Variants in SLC6A14 observed in about 807,000 individuals in gnomAD.
SLC6A14 encodes the protein sodium- and chloride-dependent neutral and basic amino acid transporter B(0+).
SLC6A14 carries 21 observed loss-of-function variants against 51.4 expected under a neutral mutation model. That is an observed-to-expected ratio of 0.41 (90% confidence interval 0.29 to 0.59). The LOEUF is 0.59. SLC6A14 is among the 20% of genes least tolerant of loss of function. SLC6A14 has a pLI of 0.31. For missense variants in SLC6A14, 371 were observed against 472.8 expected, an observed-to-expected ratio of 0.78 and a Z score of 2.00; for synonymous variants, 177 against 160.7, an observed-to-expected ratio of 1.10 and a Z score of -0.77.
chrX:116,452,190 T>G (rs782162566), intron 8 of SLC6A14, among the ~76,000 whole-genome samples: 1 of 111,570 alleles, frequency 9.0e-6, no homozygotes, highest in African/African-American at 3.2e-5. Flanking sequence ...TCATTAAAAT[T>G]TTGTTTATGT....
intron 2 of SLC6A14, among the ~76,000 whole-genome samples, chrX:116,438,597 AG>A (rs1488252416): frequency 1.8e-5 from 2 of 112,076 alleles, no homozygotes; most frequent in Non-Finnish European, 3.8e-5. Flanking sequence ...GTAGATCATT[AG>A]GGTAGACTCA....
chrX:116,445,457 G>GGAGAGAGAGAGAGAGA (rs4068397), intron 6 of SLC6A14, among the ~76,000 whole-genome samples: 10 of 67,025 alleles, frequency 1.5e-4, no homozygotes, highest in African/African-American at 5.2e-4. Flanking sequence ...TCCCCTAGTC[G>GGAGAGAGAGAGAGAGA]GAGAGAGAGA....
intron 6 of SLC6A14, among the ~76,000 whole-genome samples, chrX:116,446,244 G>T (rs781802359): frequency 1.8e-5 from 2 of 110,473 alleles, no homozygotes; most frequent in South Asian, 7.7e-4. Flanking sequence ...AATGGTAGCT[G>T]TAAGGATAAC....
chrX:116,454,486 C>A, intron 10 of SLC6A14, 44 bp downstream of exon 10: 1 of 786,602 alleles, frequency 1.3e-6, no homozygotes, highest in Non-Finnish European at 1.9e-6. Flanking sequence ...TTAGTTGGAA[C>A]ATACTTTATA....
chrX:116,437,289 G>T (rs1556693347), intron 1 of SLC6A14, among the ~76,000 whole-genome samples: 1 of 101,492 alleles, frequency 9.9e-6, no homozygotes, highest in African/African-American at 3.6e-5. Context: ...CAAGCCATAA[G>T]AAAAGTTTAT....
intron 1 of SLC6A14, among the ~76,000 whole-genome samples, chrX:116,437,544 T>C (rs1313968908): frequency 8.9e-6 from 1 of 111,891 alleles, no homozygotes; most frequent in African/African-American, 3.3e-5. Flanking sequence ...AAAATTTGAA[T>C]AATCTTAGCT....
chrX:116,441,167 A>G (rs966721523), intron 3 of SLC6A14, 70 bp downstream of exon 3: 30 of 1,061,776 alleles, frequency 2.8e-5, no homozygotes, highest in South Asian at 6.3e-5. Flanking sequence ...ATTTGTGCAT[A>G]TAGCTACCTT....
intron 9 of SLC6A14, among the ~76,000 whole-genome samples, chrX:116,453,356 G>T (rs1556694536): frequency 9.0e-6 from 1 of 110,747 alleles, no homozygotes; most frequent in Non-Finnish European, 1.9e-5. Context: ...ACTTGTTTCA[G>T]ATATTTTAAG....
chrX:116,440,979 A>G lies in SLC6A14; in HGVS notation c.228A>G (p.Ile76Met), dbSNP rs1235751514. 2 of 1,207,881 alleles carry G rather than the reference A, an allele frequency of 1.7e-6. No individual in the cohort carries two copies. The highest frequency in any genetic ancestry group is 3.5e-5 in the African/African-American group (2 of 56,998). The change falls in exon 3 of 14, where the codon ATA (isoleucine) becomes ATG (methionine). Residue 76 changes from isoleucine to methionine, a missense_variant. By Grantham distance (10) the Ile-to-Met change is conservative (BLOSUM62 1). Coordinates refer to ENST00000598581, the MANE Select transcript of SLC6A14 (RefSeq NM_007231.5). The part of the protein sequence containing the change: ...TYSNGGGAFL[I>M]PYAIMLALAG... ...CACCTTTTTTAGGCGCCTTCTTGAT[A>G]CCTTATGCAATTATGTTAGCATTGG...
chrX:116,454,352 A>C lies in SLC6A14; in HGVS notation c.1314A>C (p.Leu438Phe). 1 of 1,201,642 alleles carries C rather than the reference A, an allele frequency of 8.3e-7. No individual in the cohort carries two copies. Among genetic ancestry groups the C allele is most frequent in the South Asian group, 1.8e-5 (1 of 56,550 alleles). The change falls in exon 10 of 14, where the codon TTA becomes TTC. Residue 438 changes from leucine (L) to phenylalanine (F), a missense_variant. Physicochemically the swap from Leu to Phe is conservative, Grantham distance 22. Around this residue, in one of 2 missense-constraint regions of SLC6A14, gnomAD observed 277 missense variants for 391.8 expected, o/e 0.71. Coordinates refer to ENST00000598581, the MANE Select transcript of SLC6A14 (RefSeq NM_007231.5). ...CGATCACAACAACAATTCAAGATTT[A>C]TTTCCCAAAGTGATGAAGAAAATGA... ...IETITTTIQD[L>F]FPKVMKKMRV...
chrX:116,447,591 C>CTTTTTTTTTTTTTTTTTTTTT (rs782273399), intron 7 of SLC6A14, among the ~76,000 whole-genome samples: 1 of 91,939 alleles, frequency 1.1e-5, no homozygotes. Flanking sequence ...GCTTTCACTT[C>CTTTTTTTTTTTTTTTTTTTTT]TTTTTTTTTT....
intron 6 of SLC6A14, 39 bp from the exon 7 acceptor site, chrX:116,446,702 A>G: frequency 9.1e-7 from 1 of 1,096,755 alleles, no homozygotes; most frequent in African/African-American, 1.8e-5. Flanking sequence ...CCATGATTTT[A>G]AAAATAATTT....
chrX:116,457,329 A>G (rs1556694845), intron 12 of SLC6A14, among the ~76,000 whole-genome samples: 1 of 111,812 alleles, frequency 8.9e-6, no homozygotes, highest in Non-Finnish European at 1.9e-5. Flanking sequence ...ATGGTCAAGT[A>G]TTTTATTGAA....
chrX:116,458,929 G>A lies in SLC6A14; in HGVS notation c.1903G>A (p.Val635Ile). 8.3e-7 allele frequency: 1 copy of A among 1,199,894 alleles called. No homozygotes were observed. Among genetic ancestry groups the A allele is most frequent in the Non-Finnish European group, 1.1e-6 (1 of 890,173 alleles). The change falls in exon 14 of 14, where the codon GTT (valine) becomes ATT (isoleucine). Residue 635 changes from valine (V) to isoleucine (I), a missense_variant. Around this residue, in one of 2 missense-constraint regions of SLC6A14, gnomAD observed 94 missense variants for 81.0 expected, o/e 1.16. Transcript: ENST00000598581. ...KKEADHEIPT[V>I]SGSRKPE ...AGAGGCTGACCATGAAATACCTACT[G>A]TTAGTGGCAGCAGAAAACCGGAATG...
At chrX:116,458,787 A>AT (rs782043657) in intron 13 of SLC6A14, 22 bp from the exon 14 acceptor site, 3 of 1,154,948 alleles carry the variant, frequency 2.6e-6, no homozygotes, top group Non-Finnish European at 3.4e-6. Flanking sequence ...TAAGACAATG[A>AT]TTTTTTGTTC....
Position 116,458,841 on chromosome X carries a change from C to T in SLC6A14, c.1815C>T (p.Asn605=), listed in dbSNP as rs1323516905. The change falls in exon 14 of 14, where the codon AAC becomes AAT. Residue 605 remains asparagine, a synonymous_variant. Coordinates refer to ENST00000598581, the MANE Select transcript of SLC6A14 (RefSeq NM_007231.5). Reference sequence around the variant, plus strand: ...TAAGTTGCTGCAGACCAGCTTCTAACTGGGGTCCATACCTGGAACAACATC... The same window carrying T: ...TAAGTTGCTGCAGACCAGCTTCTAATTGGGGTCCATACCTGGAACAACATC... ...RLISCCRPAS[N]WGPYLEQHRG... is the part of the protein sequence containing the mutation. 4.2e-6 allele frequency: 5 copies of T among 1,196,381 alleles called. No individual in the cohort carries two copies. The highest frequency in any genetic ancestry group is 5.6e-6 in the Non-Finnish European group (5 of 889,227).
In SLC6A14 at chrX:116,451,667, T is replaced by C. The variant is rs781800134; in HGVS notation, c.1156T>C (p.Ser386Pro). 1 of 1,114,076 alleles carries C rather than the reference T, an allele frequency of 9.0e-7. No homozygotes were observed. Among genetic ancestry groups the C allele is most frequent in the Non-Finnish European group, 1.2e-6 (1 of 807,640 alleles). 91.8% of individuals were successfully genotyped at this position (1,114,076 alleles called of 1,213,427 possible). A position where few individuals can be genotyped will look rare whatever the true frequency, so the allele number is the denominator to read the frequency against. Residue 386 changes from serine to proline, a missense_variant, in exon 8 of 14, where the codon TCA becomes CCA. By Grantham distance (74) the Ser-to-Pro change is moderately conservative. This residue lies in a region of SLC6A14 where 277 missense variants were observed against 391.8 expected (regional missense o/e 0.71). Transcript: ENST00000598581. ...SGKEVSQVVK[S>P]GFDLAFIAYP... ...AAAGGAAGTTTCTCAAGTTGTAAAA[T>C]CAGGTATATAATACTATATATTATC...
At position 116,461,069 on chromosome X, in the gene SLC6A14, A is replaced by G. The variant is rs12710570; in HGVS notation, c.*2114A>G. On this transcript the variant is annotated 3_prime_UTR_variant, in exon 14 of 14. Transcript: ENST00000598581. ...CATTTTGGTGCTATTTAAGGTGTGC[A>G]ATTTTCTATAGGTGACTTTTGCAAT... The G allele has an allele frequency of 0.17, 18,585 of 111,376 alleles. 1,325 individuals are homozygous for G. The highest frequency in any genetic ancestry group is 0.25 in the Admixed American group (2,627 of 10,430). The allele number at this position is 111,376 out of a possible 1,213,427, so 9.2% of individuals were successfully genotyped here. A position where few individuals can be genotyped will look rare whatever the true frequency, so the allele number is the denominator to read the frequency against.
intron 9 of SLC6A14, 82 bp downstream of exon 9, chrX:116,453,224 A>AC (rs1927857619): frequency 1.3e-6 from 1 of 783,854 alleles, no homozygotes; most frequent in South Asian, 3.9e-5. Context: ...TGCTTTTATT[A>AC]CCCCTATTAC....
Sources: gnomAD v4.1 joint callset for allele counts (sites outside exome capture counted in the v4.1 genomes callset) on GRCh38, gnomAD v4.1.1 for gene constraint, gnomAD v4.1.1 regional missense constraint, MANE v1.5 for transcripts, NCBI Gene and HGNC (gene_info 2026-07-23, HGNC 2026-07-21) for gene names.